The following HDGFL3 variants were observed in gnomAD, a reference collection of about 807,000 sequenced individuals.
HDGFL3 encodes the protein hepatoma-derived growth factor-related protein 3.
Under a neutral mutation model 27.6 loss-of-function variants are expected in HDGFL3, and 6 were observed. The observed-to-expected ratio is 0.22, with a 90% CI of 0.12 to 0.43. The LOEUF (loss-of-function observed/expected upper bound fraction) is 0.43. Among genes scored for constraint, HDGFL3 ranks in the 20% least tolerant of loss-of-function variants. The pLI is 1.00. For missense variants in HDGFL3, 207 were observed against 250.1 expected (o/e 0.83, Z 1.16); for synonymous variants, 88 against 88.9 (o/e 0.99, Z 0.05).
chr15:83,170,464 G>A (rs2037231845), intron 1 of HDGFL3, among the ~76,000 whole-genome samples: 1 of 152,146 alleles, frequency 6.6e-6, no homozygotes, highest in Non-Finnish European at 1.5e-5. Flanking sequence ...AATAAGCAAT[G>A]GAGAAAGAAC....
At chr15:83,172,073 T>C (rs2151411044) in intron 1 of HDGFL3, among the ~76,000 whole-genome samples, 1 of 152,322 alleles carries the variant, frequency 6.6e-6, no homozygotes, top group African/African-American at 2.4e-5. Context: ...GGCTCTGCTA[T>C]GGCTTGAAGG....
At chr15:83,113,061 T>C in exon 4 of HDGFL3, 1 of 647,172 alleles carries the variant, frequency 1.5e-6, no homozygotes, top group Non-Finnish European at 2.7e-6. Flanking sequence ...CGCCTCTGGC[T>C]ATTGCCTCTC....
At chr15:83,157,818 T>C (rs1416081858) in intron 3 of HDGFL3, 85 bp downstream of exon 3, 2 of 1,267,012 alleles carry the variant, frequency 1.6e-6, no homozygotes, top group African/African-American at 1.5e-5. Flanking sequence ...TAACTATTAG[T>C]AGAAAGGACA....
intron 1 of HDGFL3, among the ~76,000 whole-genome samples, chr15:83,173,665 T>G (rs2151411919): frequency 6.6e-6 from 1 of 152,306 alleles, no homozygotes; most frequent in Admixed American, 6.5e-5. Context: ...CCCCATTCAC[T>G]TAGATGATTT....
intron 2 of HDGFL3, among the ~76,000 whole-genome samples, chr15:83,159,312 G>C (rs1231332556): frequency 6.6e-6 from 1 of 152,210 alleles, no homozygotes; most frequent in East Asian, 1.9e-4. Context: ...TAATAGATCA[G>C]AGTCTTTAGC....
At chr15:83,123,981 TC>T (rs1419248212), downstream of HDGFL3, among the ~76,000 whole-genome samples, 1 of 152,202 alleles carries the variant, frequency 6.6e-6, no homozygotes, top group African/African-American at 2.4e-5. Flanking sequence ...ATAATTCTGC[TC>T]CTAGAGCCCT....
intron 1 of HDGFL3, among the ~76,000 whole-genome samples, chr15:83,199,416 A>AT (rs996161353): frequency 3.9e-5 from 6 of 152,164 alleles, no homozygotes; most frequent in Non-Finnish European, 8.8e-5. Flanking sequence ...TGTGAAACTC[A>AT]TTTTTATATG....
chr15:83,123,791 T>C (rs1273144585), downstream of HDGFL3, among the ~76,000 whole-genome samples: 1 of 152,216 alleles, frequency 6.6e-6, no homozygotes, highest in Admixed American at 6.5e-5. Context: ...TGTCAGTGTG[T>C]CAACAGAGTA....
At chr15:83,183,643 C>CA (rs1299303289) in intron 1 of HDGFL3, among the ~76,000 whole-genome samples, 2 of 151,914 alleles carry the variant, frequency 1.3e-5, no homozygotes, top group African/African-American at 4.8e-5. Context: ...CACCTGTAAT[C>CA]AGAGGTTGAG....
chr15:83,137,596 T>C lies in HDGFL3; in HGVS notation c.*1674A>G, dbSNP rs754031582. 1.3e-5 allele frequency: 2 copies of C among 152,160 alleles called. No homozygotes were observed. Among genetic ancestry groups the C allele is most frequent in the Non-Finnish European group, 2.9e-5 (2 of 68,002 alleles). The allele number at this position is 152,160 out of a possible 1,614,324, so 9.4% of individuals were successfully genotyped here. A position where few individuals can be genotyped will look rare whatever the true frequency, so the allele number is the denominator to read the frequency against. ...AGAAGTATTAGATCGACATCCCTAC[T>C]ATCTTTTTATGAACTTTTCATGTTT... On this transcript the variant is annotated 3_prime_UTR_variant, in exon 6 of 6. Transcript: ENST00000299633.
intron 5 of HDGFL3, 32 bp from the exon 6 acceptor site, chr15:83,139,307 C>T (rs778170021): frequency 3.0e-5 from 41 of 1,360,862 alleles, no homozygotes; most frequent in Non-Finnish European, 3.5e-5. Flanking sequence ...AGAAAACAAG[C>T]CTTTAGATGA....
chr15:83,126,867 T>G, downstream of HDGFL3: 1 of 1,576,248 alleles, frequency 6.3e-7, no homozygotes, highest in Middle Eastern at 1.7e-4. Flanking sequence ...TTATGAAGCC[T>G]AAGATTTTTC....
downstream of HDGFL3, among the ~76,000 whole-genome samples, chr15:83,123,683 G>A (rs2035471474): frequency 6.6e-6 from 1 of 152,256 alleles, no homozygotes; most frequent in South Asian, 2.1e-4. Flanking sequence ...CTGACAGCTG[G>A]TACTAACTTC....
chr15:83,142,542 G>A (rs1425089520), intron 5 of HDGFL3, among the ~76,000 whole-genome samples: 2 of 152,112 alleles, frequency 1.3e-5, no homozygotes, highest in African/African-American at 4.8e-5. Context: ...AGGAGAGGAG[G>A]AAGAGGATCA....
Position 83,133,518 on chromosome 15 carries a change from A to C in HDGFL3, c.*5752T>G, listed in dbSNP as rs1299240291. The C allele has an allele frequency of 3.3e-5, 5 of 152,366 alleles. No individual in the cohort carries two copies. In the South Asian group the frequency reaches 8.3e-4, roughly 25 times the overall value. 9.4% of individuals were successfully genotyped at this position (152,366 alleles called of 1,614,324 possible). A position where few individuals can be genotyped will look rare whatever the true frequency, so the allele number is the denominator to read the frequency against. ...AGTATATCTCTTAATTATTTCTGTAAGGTGAAAATGATTTAGAATGAAGTG... is the reference window on the plus strand; with the variant it reads ...AGTATATCTCTTAATTATTTCTGTACGGTGAAAATGATTTAGAATGAAGTG... On this transcript the variant is annotated 3_prime_UTR_variant, in exon 6 of 6. Transcript: ENST00000299633.
chr15:83,146,549 T>C (rs2036896044), intron 5 of HDGFL3, among the ~76,000 whole-genome samples: 1 of 152,244 alleles, frequency 6.6e-6, no homozygotes, highest in South Asian at 2.1e-4. Context: ...TCTTAAGATA[T>C]GTTGGATTCC....
chr15:83,132,347 T>C lies in HDGFL3; in HGVS notation c.*6923A>G, dbSNP rs1178589136. The C allele has an allele frequency of 6.6e-6, 1 of 152,074 alleles. No homozygotes were observed. The highest frequency in any genetic ancestry group is 1.5e-5 in the Non-Finnish European group (1 of 68,012). 9.4% of individuals were successfully genotyped at this position (152,074 alleles called of 1,614,324 possible). ...TTACCAAGAAAACAAAGAAACTGGG[T>C]GAAAGCTTTGGGACAGACTCACCAT... On this transcript the variant is annotated 3_prime_UTR_variant, in exon 6 of 6. Coordinates refer to ENST00000299633, the MANE Select transcript of HDGFL3 (RefSeq NM_016073.4).
At chr15:83,168,757 C>T (rs544204612) in intron 1 of HDGFL3, among the ~76,000 whole-genome samples, 1 of 152,266 alleles carries the variant, frequency 6.6e-6, no homozygotes, top group South Asian at 2.1e-4. Flanking sequence ...AGGAGGGATG[C>T]CTCTTCCACT....
Position 83,139,220 on chromosome 15 carries a change from C to G in HDGFL3, c.*50G>C. On this transcript the variant is annotated 3_prime_UTR_variant, in exon 6 of 6. Transcript: ENST00000299633. ...AATCCAAGAATATTAGACAACCAAA[C>G]ATATAACCTTCTTGTGGTTTCTCTT... 3 of 1,314,480 alleles carry G rather than the reference C, an allele frequency of 2.3e-6. No individual in the cohort carries two copies. The highest frequency in any genetic ancestry group is 3.1e-6 in the Non-Finnish European group (3 of 980,576). The allele number at this position is 1,314,480 out of a possible 1,614,324, so 81.4% of individuals were successfully genotyped here.
Sources: gnomAD v4.1 joint callset for allele counts (sites outside exome capture counted in the v4.1 genomes callset) on GRCh38, gnomAD v4.1.1 for gene constraint, MANE v1.5 for transcripts, NCBI Gene and HGNC (gene_info 2026-07-23, HGNC 2026-07-21) for gene names.